Variants in GUCY2C observed in about 807,000 individuals in gnomAD.
GUCY2C encodes the protein guanylate cyclase 2C, also known as guanylyl cyclase C.
Under a neutral mutation model 131.1 loss-of-function variants are expected in GUCY2C, and 118 were observed. The observed-to-expected ratio is 0.90, with a 90% CI of 0.78 to 1.05. The LOEUF is 1.05. Ranked by LOEUF, GUCY2C falls within the 50% of genes least tolerant of loss-of-function variation. The pLI is 0.00. For missense variants in GUCY2C, 1,161 were observed against 1,304.4 expected (o/e 0.89, Z 1.69); for synonymous variants, 452 against 457.8 (o/e 0.99, Z 0.16).
At position 14,646,549 on chromosome 12, in the gene GUCY2C, T is replaced by C. The variant is rs942360669; in HGVS notation, c.1711-1234A>G. On this transcript the variant is annotated intron_variant, in intron 15 of 26. Coordinates refer to ENST00000261170, the MANE Select transcript of GUCY2C (RefSeq NM_004963.4). ...TTTTGATGATAAAAGGAATACAAGT[T>C]TACTATAAAAAATGTGAAAAAATTG... Among the ~76,000 whole-genome samples the C allele has an allele frequency of 1.6e-4, 24 of 152,050 alleles. 1 individual carries two copies. Among genetic ancestry groups the C allele is most frequent in the Non-Finnish European group, 1.5e-5 (1 of 68,006 alleles).
At chr12:14,679,970 C>G (rs1347446036) in intron 5 of GUCY2C, among the ~76,000 whole-genome samples, 2 of 151,640 alleles carry the variant, frequency 1.3e-5, no homozygotes, top group Non-Finnish European at 2.9e-5. Flanking sequence ...ATCATCTCGT[C>G]CATCATTCTT....
intron 20 of GUCY2C, among the ~76,000 whole-genome samples, chr12:14,627,775 A>C (rs80160655): frequency 0.015 from 2,266 of 152,258 alleles, 69 homozygotes; most frequent in African/African-American, 0.052. Context: ...CGAGGAGAAA[A>C]AAAAAGGGCT....
chr12:14,632,085 T>C (rs1592090161), intron 19 of GUCY2C, among the ~76,000 whole-genome samples: 2 of 152,388 alleles, frequency 1.3e-5, no homozygotes, highest in Admixed American at 6.5e-5. Flanking sequence ...GTTGTTTTTT[T>C]CTTGTAAATT....
Position 14,613,054 on chromosome 12 carries a change from T to G in GUCY2C, c.*63A>C. On this transcript the variant is annotated 3_prime_UTR_variant, in exon 27 of 27. Coordinates refer to ENST00000261170, the MANE Select transcript of GUCY2C (RefSeq NM_004963.4). This position sits in a 1 kb window ranked among gnomAD's most constrained non-coding sequence, Gnocchi z 4.9. ...GGAAAATGTAAGCTTTCAGGACACT[T>G]GAGGTCGCTGCCTCAGTGCAGCTGT... 38 of 1,341,812 alleles carry G rather than the reference T, an allele frequency of 2.8e-5. No homozygotes were observed. Among genetic ancestry groups the G allele is most frequent in the Non-Finnish European group, 3.9e-5 (37 of 939,490 alleles). The allele number at this position is 1,341,812 out of a possible 1,614,324, so 83.1% of individuals were successfully genotyped here.
chr12:14,622,696 A>G (rs1946920886), intron 21 of GUCY2C, among the ~76,000 whole-genome samples: 2 of 152,222 alleles, frequency 1.3e-5, no homozygotes, highest in South Asian at 2.1e-4. Context: ...CTATGAAATA[A>G]TGATGCATTT....
chr12:14,668,463 C>G (rs1239236382), intron 10 of GUCY2C, among the ~76,000 whole-genome samples: 1 of 151,688 alleles, frequency 6.6e-6, no homozygotes, highest in Non-Finnish European at 1.5e-5. Context: ...GCCACCACTC[C>G]CAGCCTTAAT....
At chr12:14,666,216 A>C (rs959161108) in intron 10 of GUCY2C, among the ~76,000 whole-genome samples, 1 of 152,148 alleles carries the variant, frequency 6.6e-6, no homozygotes. Context: ...GGCTGGCGCC[A>C]TGACACCCAC....
chr12:14,669,210 CTT>C (rs200187697), intron 10 of GUCY2C, among the ~76,000 whole-genome samples: 10 of 139,162 alleles, frequency 7.2e-5, no homozygotes, highest in Admixed American at 1.4e-4. Context: ...TTTTCTTTTT[CTT>C]TTTTTTTTTT....
In GUCY2C at chr12:14,692,708, A is replaced by C. The variant is rs142214064; in HGVS notation, c.217+3524T>G. Among the ~76,000 whole-genome samples the C allele has an allele frequency of 2.0e-3, 310 of 152,202 alleles. 7 individuals are homozygous for C. In the South Asian group the frequency reaches 0.036, roughly 18 times the overall value. ...ACTAAAAATACAAAACATTAGCTGG[A>C]TGTGGTGATGCATACCTGTAATCCC... On this transcript the variant is annotated intron_variant, in intron 1 of 26. Coordinates refer to ENST00000261170, the MANE Select transcript of GUCY2C (RefSeq NM_004963.4).
At position 14,681,369 on chromosome 12, in the gene GUCY2C, G is replaced by T. The variant is rs1321694566; in HGVS notation, c.720C>A (p.Asn240Lys). The part of the protein sequence containing the change: ...KEFQDILMDH[N>K]RKSNVIIMCG... ...ATGTCTTCTTACCATTGCTTTTCCT[G>T]TTGTGGTCCATTAAGATATCCTGAA... Residue 240 changes from asparagine to lysine, a missense_variant, in exon 5 of 27, where the codon AAC (asparagine) becomes AAA (lysine). Transcript: ENST00000261170. 1 of 1,612,414 alleles carries T rather than the reference G, an allele frequency of 6.2e-7. No homozygotes were observed. The highest frequency in any genetic ancestry group is 8.5e-7 in the Non-Finnish European group (1 of 1,178,824).
Position 14,621,036 on chromosome 12 carries a change from C to G in GUCY2C, c.2776+6G>C. The G allele has an allele frequency of 6.2e-7, 1 of 1,612,530 alleles. No individual in the cohort carries two copies. Reference sequence around the variant, plus strand: ...TCCCAATTTGCTAAGATGCTCAACTCCATACCAGAGTGAACTCCAATGCGA... The same window carrying G: ...TCCCAATTTGCTAAGATGCTCAACTGCATACCAGAGTGAACTCCAATGCGA... On this transcript the variant is annotated splice_donor_region_variant and intron_variant, in intron 23 of 26. Transcript: ENST00000261170.
At chr12:14,688,260 TTCTC>T (rs137861179) in intron 1 of GUCY2C, among the ~76,000 whole-genome samples, 197 bp from the exon 2 acceptor site, 1 of 151,546 alleles carries the variant, frequency 6.6e-6, no homozygotes, top group African/African-American at 2.4e-5. Flanking sequence ...TCATCTCTGT[TTCTC>T]TCTCTCTCTC....
chr12:14,662,825 A>G (rs1947897567), intron 10 of GUCY2C, among the ~76,000 whole-genome samples: 1 of 152,196 alleles, frequency 6.6e-6, no homozygotes. Context: ...TGGTTACCAA[A>G]TAAATATTAT....
rs544256035 is a variant in GUCY2C, at chr12:14,683,276, G to A, written c.396-19C>T. 1.5e-4 allele frequency: 227 copies of A among 1,531,646 alleles called. No homozygotes were observed. The highest frequency in any genetic ancestry group is 3.4e-4 in the Admixed American group (20 of 58,748). The allele number at this position is 1,531,646 out of a possible 1,614,324, so 94.9% of individuals were successfully genotyped here. A position where few individuals can be genotyped will look rare whatever the true frequency, so the allele number is the denominator to read the frequency against. ...GTCAAGGCTATGTCAAGAGGTTGAG[G>A]AAAAAAGCCATTATCAGTATTAACT... On this transcript the variant is annotated intron_variant, in intron 3 of 26. Transcript: ENST00000261170.
intron 1 of GUCY2C, among the ~76,000 whole-genome samples, chr12:14,688,356 A>T (rs1948514365): frequency 6.6e-6 from 1 of 152,136 alleles, no homozygotes; most frequent in Non-Finnish European, 1.5e-5. Flanking sequence ...TTTAGTAAAT[A>T]TATATATAGT....
chr12:14,665,324 G>C (rs1216438962), intron 10 of GUCY2C, among the ~76,000 whole-genome samples: 1 of 152,084 alleles, frequency 6.6e-6, no homozygotes, highest in Admixed American at 6.5e-5. Flanking sequence ...TCTATTCCGA[G>C]GGAGTAGCAT....
intron 11 of GUCY2C, among the ~76,000 whole-genome samples, chr12:14,658,867 A>G (rs1947811071): frequency 6.6e-6 from 1 of 150,988 alleles, no homozygotes; most frequent in Admixed American, 6.6e-5. Context: ...AAAATACAAC[A>G]TAATACAATA....
intron 24 of GUCY2C, 22 bp from the exon 25 acceptor site, chr12:14,616,749 TAAA>T (rs774195512): frequency 7.1e-7 from 1 of 1,417,906 alleles, no homozygotes; most frequent in Admixed American, 1.7e-5. Context: ...AATTGACAAA[TAAA>T]AATCCCAGCT....
chr12:14,621,141 T>C lies in GUCY2C; in HGVS notation c.2677A>G (p.Ile893Val), dbSNP rs1237433846. Residue 893 changes from isoleucine (I) to valine (V), a missense_variant, in exon 23 of 27, where the codon ATT (isoleucine) becomes GTT (valine). Ile to Val is a conservative substitution (Grantham distance 29, BLOSUM62 3). Coordinates refer to ENST00000261170, the MANE Select transcript of GUCY2C (RefSeq NM_004963.4). ...AGGATTTCCAAGGCCATCTTGGCAATGTCTATTGCATGCCGATTGCCATTT... is the reference window on the plus strand; with the variant it reads ...AGGATTTCCAAGGCCATCTTGGCAACGTCTATTGCATGCCGATTGCCATTT... ...KRNGNRHAID[I>V]AKMALEILSF... 2 of 1,613,862 alleles carry C rather than the reference T, an allele frequency of 1.2e-6. No homozygotes were observed. Among genetic ancestry groups the C allele is most frequent in the Non-Finnish European group, 1.7e-6 (2 of 1,179,794 alleles).
Sources: gnomAD v4.1 joint callset for allele counts (sites outside exome capture counted in the v4.1 genomes callset) on GRCh38, gnomAD v4.1.1 for gene constraint, Gnocchi (gnomAD v3.1) non-coding constraint, MANE v1.5 for transcripts, NCBI Gene and HGNC (gene_info 2026-07-23, HGNC 2026-07-21) for gene names.